DIAPH2: variants seen among roughly 807,000 people sequenced by gnomAD.
DIAPH2 encodes the protein diaphanous related formin 2.
DIAPH2 carries 35 observed loss-of-function variants against 92.7 expected under a neutral mutation model. The observed-to-expected ratio is 0.38, with a 90% confidence interval of 0.29 to 0.50. The LOEUF is 0.50. Among genes scored for constraint, DIAPH2 ranks in the 20% least tolerant of loss-of-function variants. The pLI, the probability that DIAPH2 is intolerant of heterozygous loss-of-function variation, is 0.94. For synonymous variants in DIAPH2, 301 were observed against 280.4 expected (o/e 1.07, Z -0.73); for missense variants, 701 against 819.5 (o/e 0.86, Z 1.77).
chrX:96,769,108 G>GATATATAAATAGT (rs2064322204), intron 4 of DIAPH2, among the ~76,000 whole-genome samples: 2 of 111,285 alleles, frequency 1.8e-5, no homozygotes, highest in African/African-American at 3.3e-5. Flanking sequence ...GAACTAAATG[G>GATATATAAATAGT]AGGATATAGA....
At chrX:96,764,435 A>G (rs1180557055) in intron 4 of DIAPH2, among the ~76,000 whole-genome samples, 2 of 111,423 alleles carry the variant, frequency 1.8e-5, no homozygotes, top group African/African-American at 6.5e-5. Context: ...CTTTGTTGAA[A>G]CAAAGAATGT....
At chrX:97,152,655 G>T (rs999917458) in intron 22 of DIAPH2, among the ~76,000 whole-genome samples, 1 of 111,400 alleles carries the variant, frequency 9.0e-6, no homozygotes, top group Non-Finnish European at 1.9e-5. Flanking sequence ...AGTACAACTC[G>T]CTTTTATAAC....
intron 24 of DIAPH2, among the ~76,000 whole-genome samples, chrX:97,365,148 A>ATGAT (rs933363025): frequency 2.7e-5 from 3 of 111,068 alleles, no homozygotes; most frequent in African/African-American, 9.8e-5. Flanking sequence ...TCTGTTTTTT[A>ATGAT]TGATTTCCCC....
chrX:97,090,977 G>A (rs1173656543), intron 19 of DIAPH2, among the ~76,000 whole-genome samples: 1 of 111,490 alleles, frequency 9.0e-6, no homozygotes, highest in African/African-American at 3.3e-5. Context: ...ATATATGGAT[G>A]TGCCCCAAAA....
At chrX:97,375,435 G>C (rs190612793) in intron 24 of DIAPH2, among the ~76,000 whole-genome samples, 1 of 110,692 alleles carries the variant, frequency 9.0e-6, no homozygotes, top group Admixed American at 9.6e-5. Flanking sequence ...CAGCCAGGGC[G>C]ACAAGAGCAC....
chrX:97,362,315 A>T (rs1052098293), intron 24 of DIAPH2, among the ~76,000 whole-genome samples: 1 of 111,447 alleles, frequency 9.0e-6, no homozygotes, highest in Non-Finnish European at 1.9e-5. Flanking sequence ...AATATAGCAC[A>T]AAAGTAAATT....
intron 5 of DIAPH2, among the ~76,000 whole-genome samples, chrX:96,882,391 G>A (rs1409890400): frequency 1.8e-5 from 2 of 110,687 alleles, no homozygotes; most frequent in Non-Finnish European, 3.8e-5. Flanking sequence ...ATAACTTTAT[G>A]TTCTTCTATA....
At chrX:97,329,130 T>C (rs1013637763) in intron 23 of DIAPH2, among the ~76,000 whole-genome samples, 5 of 112,146 alleles carry the variant, frequency 4.5e-5, no homozygotes, top group Admixed American at 9.6e-5. Context: ...ACAGAACTTA[T>C]TGGGCATGTT....
intron 23 of DIAPH2, among the ~76,000 whole-genome samples, chrX:97,323,049 C>T (rs1445593396): frequency 1.9e-5 from 2 of 105,790 alleles, no homozygotes; most frequent in Admixed American, 1.0e-4. Flanking sequence ...GGGATTAAGT[C>T]GCCTGCCACC....
At chrX:96,704,467 CA>C (rs1422710951) in intron 1 of DIAPH2, among the ~76,000 whole-genome samples, 2 of 111,831 alleles carry the variant, frequency 1.8e-5, no homozygotes, top group African/African-American at 6.5e-5. Flanking sequence ...GACCCAGTCA[CA>C]TCAGAGTACT....
intron 5 of DIAPH2, among the ~76,000 whole-genome samples, chrX:96,882,980 A>AAAAC (rs2065228242): frequency 3.8e-5 from 2 of 52,801 alleles, no homozygotes; most frequent in African/African-American, 8.1e-5. Context: ...AAAAAAAAAA[A>AAAAC]AAACAAAAAA....
chrX:96,709,887 C>T (rs1048317619), intron 1 of DIAPH2, among the ~76,000 whole-genome samples: 2 of 112,031 alleles, frequency 1.8e-5, no homozygotes, highest in African/African-American at 6.5e-5. Flanking sequence ...TTACTAATCA[C>T]AAATTGTTGC....
intron 26 of DIAPH2, among the ~76,000 whole-genome samples, chrX:97,563,600 C>T (rs894914953): frequency 8.9e-6 from 1 of 111,737 alleles, no homozygotes; most frequent in Non-Finnish European, 1.9e-5. Context: ...CTCAGCTGTT[C>T]TGAGTTCACT....
At chrX:97,446,117 AG>A (rs1187147310) in intron 26 of DIAPH2, among the ~76,000 whole-genome samples, 1 of 111,508 alleles carries the variant, frequency 9.0e-6, no homozygotes, top group Non-Finnish European at 1.9e-5. Context: ...TGTGATAGTG[AG>A]TAAGGCATCA....
chrX:97,449,703 G>A, intron 26 of DIAPH2: 1 of 742,455 alleles, frequency 1.3e-6, no homozygotes, highest in Non-Finnish European at 1.6e-6. Context: ...CGACAAGCAA[G>A]GAGTGAGAGC....
intron 23 of DIAPH2, among the ~76,000 whole-genome samples, chrX:97,301,868 T>C (rs900076221): frequency 1.8e-5 from 2 of 111,093 alleles, no homozygotes; most frequent in Non-Finnish European, 3.8e-5. Context: ...CAAAGGACGA[T>C]AGAACTGTAT....
intron 24 of DIAPH2, among the ~76,000 whole-genome samples, chrX:97,369,495 A>G (rs376472348): frequency 2.1e-5 from 1 of 48,469 alleles, no homozygotes; most frequent in African/African-American, 4.1e-5. Flanking sequence ...CACCATGACC[A>G]CTAAGTGCTA....
chrX:97,101,983 G>A (rs777575588), intron 20 of DIAPH2, among the ~76,000 whole-genome samples: 1 of 112,132 alleles, frequency 8.9e-6, no homozygotes, highest in East Asian at 2.8e-4. Flanking sequence ...GCTCCAAACT[G>A]GAAAGGCTCA....
chrX:97,533,707 G>A (rs927016412), intron 26 of DIAPH2, among the ~76,000 whole-genome samples: 14 of 111,157 alleles, frequency 1.3e-4, no homozygotes, highest in Admixed American at 9.7e-5. Context: ...GACACTTTAC[G>A]ACCATGTAAA....
Sources: gnomAD v4.1 joint callset for allele counts (sites outside exome capture counted in the v4.1 genomes callset) on GRCh38, gnomAD v4.1.1 for gene constraint, MANE v1.5 for transcripts, NCBI Gene and HGNC (gene_info 2026-07-23, HGNC 2026-07-21) for gene names.